Variants in IL1RAPL1 observed in about 807,000 individuals in gnomAD.
The protein encoded by IL1RAPL1 is interleukin-1 receptor accessory protein-like 1.
Under a neutral mutation model 48.4 loss-of-function variants are expected in IL1RAPL1, and 3 were observed. The ratio of observed to expected loss-of-function variants is 0.06; its 90% CI spans 0.03 to 0.16. IL1RAPL1 has a LOEUF of 0.16. Ranked by LOEUF, IL1RAPL1 falls within the 10% of genes least tolerant of loss-of-function variation. The pLI, the probability that IL1RAPL1 is intolerant of heterozygous loss-of-function variation, is 1.00. For missense variants in IL1RAPL1, 349 were observed against 530.6 expected, an observed-to-expected ratio of 0.66 and a Z score of 3.36; for synonymous variants, 185 against 187.7, an observed-to-expected ratio of 0.99 and a Z score of 0.12.
At chrX:28,894,652 C>T (rs1446793982) in intron 2 of IL1RAPL1, among the ~76,000 whole-genome samples, 4 of 110,390 alleles carry the variant, frequency 3.6e-5, no homozygotes, top group Admixed American at 9.7e-5. Context: ...GTGAGTTGAG[C>T]ATAGTTTGTG....
chrX:28,897,777 C>T (rs1006805532), intron 2 of IL1RAPL1, among the ~76,000 whole-genome samples: 2 of 111,971 alleles, frequency 1.8e-5, no homozygotes, highest in African/African-American at 6.5e-5. Flanking sequence ...GCTTTTTAAT[C>T]ACCTGGGTGC....
At chrX:29,133,886 T>C (rs1404681789) in intron 2 of IL1RAPL1, among the ~76,000 whole-genome samples, 2 of 111,855 alleles carry the variant, frequency 1.8e-5, no homozygotes, top group South Asian at 7.4e-4. Context: ...GTGATCTTTT[T>C]ACTGTCTCCA....
At chrX:29,952,130 G>T (rs1933331130) in intron 9 of IL1RAPL1, among the ~76,000 whole-genome samples, 2 of 111,723 alleles carry the variant, frequency 1.8e-5, no homozygotes, top group South Asian at 3.7e-4. Flanking sequence ...TTTACATCTC[G>T]TCTGATTTCT....
chrX:28,993,192 A>G (rs757961586), intron 2 of IL1RAPL1, among the ~76,000 whole-genome samples: 8 of 112,493 alleles, frequency 7.1e-5, no homozygotes, highest in Non-Finnish European at 1.3e-4. Context: ...ATATTTGCAA[A>G]TGAAAATTTA....
chrX:29,551,668 A>G (rs66988347), intron 5 of IL1RAPL1, among the ~76,000 whole-genome samples: 8,050 of 111,310 alleles, frequency 0.072, 403 homozygotes, highest in African/African-American at 0.17. Context: ...AAGCTCATTA[A>G]TATATTCATC....
chrX:29,124,823 A>G (rs1032176373), intron 2 of IL1RAPL1, among the ~76,000 whole-genome samples: 1 of 112,092 alleles, frequency 8.9e-6, no homozygotes, highest in African/African-American at 3.2e-5. Context: ...ATGGTAATGG[A>G]TTTGGTACTG....
chrX:29,693,886 C>G (rs1555913008), intron 6 of IL1RAPL1, among the ~76,000 whole-genome samples: 1 of 109,323 alleles, frequency 9.1e-6, no homozygotes, highest in South Asian at 3.9e-4. Flanking sequence ...TGATAGGATA[C>G]TTCTAGTTGG....
At chrX:29,034,277 G>A (rs984431611) in intron 2 of IL1RAPL1, among the ~76,000 whole-genome samples, 30 of 111,684 alleles carry the variant, frequency 2.7e-4, no homozygotes, top group Non-Finnish European at 5.5e-4. Context: ...TTTTGTAACC[G>A]AGTTCTCTAT....
intron 1 of IL1RAPL1, among the ~76,000 whole-genome samples, chrX:28,648,761 A>G (rs776569696): frequency 8.9e-6 from 1 of 112,215 alleles, no homozygotes; most frequent in South Asian, 3.7e-4. Flanking sequence ...TTCTCTGTTG[A>G]TTCTATTGAA....
At chrX:29,070,179 C>A (rs781271041) in intron 2 of IL1RAPL1, among the ~76,000 whole-genome samples, 1 of 111,451 alleles carries the variant, frequency 9.0e-6, no homozygotes, top group Non-Finnish European at 1.9e-5. Context: ...TGCTTAAAAC[C>A]TTTAGGATCC....
Position 29,168,673 on chromosome X carries a change from G to A in IL1RAPL1, c.83-114265G>A, listed in dbSNP as rs181998807. ...ATTGTATATGTATTGTATATATATT[G>A]TATATATATTCATATGTACAATTGT... On this transcript the variant is annotated intron_variant, in intron 2 of 10. Coordinates refer to ENST00000378993, the MANE Select transcript of IL1RAPL1 (RefSeq NM_014271.4). 1.5e-3 allele frequency among the ~76,000 whole-genome samples: 107 copies of A among 73,566 alleles called. 5 individuals carry two copies. The highest frequency in any genetic ancestry group is 5.0e-3 in the African/African-American group (101 of 20,018). The allele number at this position is 73,566 out of a possible 115,157, so 63.9% of individuals were successfully genotyped here.
chrX:29,335,658 G>T (rs750875336), intron 3 of IL1RAPL1, among the ~76,000 whole-genome samples: 3 of 110,692 alleles, frequency 2.7e-5, no homozygotes, highest in African/African-American at 9.8e-5. Flanking sequence ...TGTTAGAACC[G>T]CAGCTTATTA....
intron 6 of IL1RAPL1, among the ~76,000 whole-genome samples, chrX:29,858,633 A>G (rs902858304): frequency 1.1e-4 from 12 of 111,249 alleles, no homozygotes; most frequent in African/African-American, 2.9e-4. Context: ...TGTTCCTAAA[A>G]TCTGTGTATC....
chrX:29,895,004 A>C (rs1179806847), intron 6 of IL1RAPL1, among the ~76,000 whole-genome samples: 1 of 108,718 alleles, frequency 9.2e-6, no homozygotes, highest in African/African-American at 3.4e-5. Flanking sequence ...TTGTATTTTC[A>C]GTAGAGACGG....
At chrX:29,493,855 GTGTCTTCTT>G (rs1935184824) in intron 5 of IL1RAPL1, among the ~76,000 whole-genome samples, 1 of 110,689 alleles carries the variant, frequency 9.0e-6, no homozygotes, top group Non-Finnish European at 1.9e-5. Flanking sequence ...GAAGTCCCTA[GTGTCTTCTT>G]TGTCCATCTT....
intron 5 of IL1RAPL1, among the ~76,000 whole-genome samples, chrX:29,597,976 C>T (rs1408208939): frequency 9.8e-6 from 1 of 101,616 alleles, no homozygotes; most frequent in African/African-American, 3.6e-5. Context: ...TTCAAAGAAC[C>T]AGATTTTTGT....
intron 2 of IL1RAPL1, among the ~76,000 whole-genome samples, chrX:29,147,136 C>G (rs1413278166): frequency 8.9e-6 from 1 of 112,083 alleles, no homozygotes; most frequent in African/African-American, 3.2e-5. Context: ...AGCAGACCTG[C>G]TAGAGTGTGG....
intron 7 of IL1RAPL1, among the ~76,000 whole-genome samples, chrX:29,919,139 T>A (rs1440399836): frequency 8.9e-6 from 1 of 112,147 alleles, no homozygotes; most frequent in African/African-American, 3.2e-5. Flanking sequence ...AATGCCCCAG[T>A]GGGATTCCAG....
intron 2 of IL1RAPL1, among the ~76,000 whole-genome samples, chrX:29,056,105 T>C (rs778282301): frequency 1.9e-4 from 21 of 112,054 alleles, no homozygotes; most frequent in Non-Finnish European, 3.6e-4. Context: ...ATTTGTTATT[T>C]TTTTGCTAAA....
Sources: gnomAD v4.1 joint callset for allele counts (sites outside exome capture counted in the v4.1 genomes callset) on GRCh38, gnomAD v4.1.1 for gene constraint, MANE v1.5 for transcripts, NCBI Gene and HGNC (gene_info 2026-07-23, HGNC 2026-07-21) for gene names.